Variants in ADAMTS17 observed in about 807,000 individuals in gnomAD.
ADAMTS17 encodes the protein ADAM metallopeptidase with thrombospondin type 1 motif 17.
In ADAMTS17, 113 loss-of-function variants were observed where a neutral mutation model predicts 141.5. That is an observed-to-expected ratio of 0.80 (90% confidence interval 0.69 to 0.93). The LOEUF is 0.93. Among genes scored for constraint, ADAMTS17 ranks in the 40% least tolerant of loss-of-function variants. ADAMTS17 has a pLI of 0.00. For synonymous variants in ADAMTS17, 768 were observed against 630.6 expected (o/e 1.22, Z -3.27); for missense variants, 1,659 against 1,517.9 (o/e 1.09, Z -1.54).
intron 13 of ADAMTS17, among the ~76,000 whole-genome samples, chr15:100,111,056 G>A (rs954029820): frequency 1.8e-4 from 27 of 152,168 alleles, no homozygotes; most frequent in African/African-American, 6.3e-4. Context: ...GGTTAGCTGT[G>A]GGGGTAAACA....
At chr15:100,043,417 G>T (rs184878548) in intron 18 of ADAMTS17, among the ~76,000 whole-genome samples, 16 of 152,310 alleles carry the variant, frequency 1.1e-4, no homozygotes, top group African/African-American at 3.6e-4. Context: ...ACAATAAAAA[G>T]AAATTCAGAA....
intron 14 of ADAMTS17, among the ~76,000 whole-genome samples, chr15:100,108,590 C>T (rs2036550642): frequency 6.6e-6 from 1 of 152,210 alleles, no homozygotes; most frequent in South Asian, 2.1e-4. Flanking sequence ...GCTGGGCGCA[C>T]CTATCTGCCT....
At chr15:100,159,138 T>C (rs904597912) in intron 8 of ADAMTS17, among the ~76,000 whole-genome samples, 1 of 152,122 alleles carries the variant, frequency 6.6e-6, no homozygotes, top group Admixed American at 6.5e-5. Context: ...CGCAAAAAAA[T>C]TGAAACCAGA....
intron 7 of ADAMTS17, among the ~76,000 whole-genome samples, chr15:100,227,794 G>T (rs959760716): frequency 6.6e-6 from 1 of 152,222 alleles, no homozygotes; most frequent in Non-Finnish European, 1.5e-5. Flanking sequence ...CCAGGAAAAG[G>T]AATGGACTGT....
rs544034877 is a variant in ADAMTS17, at chr15:100,270,082, C to T, written c.790-7647G>A. On this transcript the variant is annotated intron_variant, in intron 4 of 21. Transcript: ENST00000268070. ...TCCAGGCTTCATAAGCTCTTAAAAA[C>T]GGCCAAGGTGGATCTGCTCTGACTG... 1.2e-4 allele frequency among the ~76,000 whole-genome samples: 18 copies of T among 152,298 alleles called. No individual in the cohort carries two copies. The East Asian group carries it at 1.5e-3, about 13-fold the overall frequency.
chr15:100,330,832 C>T (rs931465885), intron 3 of ADAMTS17, 57 bp downstream of exon 3: 4 of 1,598,696 alleles, frequency 2.5e-6, no homozygotes, highest in South Asian at 2.2e-5. Flanking sequence ...TGGAGACACA[C>T]AAAGGATGTG....
At chr15:100,236,357 C>T (rs1439989330) in intron 7 of ADAMTS17, among the ~76,000 whole-genome samples, 2 of 151,056 alleles carry the variant, frequency 1.3e-5, no homozygotes, top group African/African-American at 4.9e-5. Context: ...GAGTGTGGTC[C>T]CCACACCAGC....
At chr15:100,046,854 AC>A (rs1392737327) in intron 18 of ADAMTS17, among the ~76,000 whole-genome samples, 1 of 152,210 alleles carries the variant, frequency 6.6e-6, no homozygotes, top group East Asian at 1.9e-4. Flanking sequence ...GTGTGTTTGA[AC>A]AATATGAAAT....
At chr15:100,321,420 T>A (rs1029420829) in intron 3 of ADAMTS17, among the ~76,000 whole-genome samples, 7 of 152,194 alleles carry the variant, frequency 4.6e-5, no homozygotes, top group Non-Finnish European at 1.0e-4. Flanking sequence ...AAATTTGACA[T>A]TTTTTAAAAA....
chr15:100,112,188 G>A lies in ADAMTS17; in HGVS notation c.1889-3072C>T, dbSNP rs530643235. Reference sequence around the variant, plus strand: ...AGCAGAGAAATGCGGACTCTGCAAAGCAGGAAGGCCAACCTCAGCTGGAGG... The same window carrying A: ...AGCAGAGAAATGCGGACTCTGCAAAACAGGAAGGCCAACCTCAGCTGGAGG... On this transcript the variant is annotated intron_variant, in intron 13 of 21. Coordinates refer to ENST00000268070, the MANE Select transcript of ADAMTS17 (RefSeq NM_139057.4). 4.6e-4 allele frequency among the ~76,000 whole-genome samples: 70 copies of A among 152,322 alleles called. No homozygotes were observed. In the South Asian group the frequency reaches 9.7e-3, roughly 21 times the overall value.
intron 7 of ADAMTS17, among the ~76,000 whole-genome samples, chr15:100,221,976 T>C (rs1486052832): frequency 2.0e-5 from 3 of 151,904 alleles, no homozygotes; most frequent in African/African-American, 4.8e-5. Flanking sequence ...GAGGCCATCA[T>C]CACACAGAGG....
chr15:100,142,281 G>A (rs964669280), intron 10 of ADAMTS17, among the ~76,000 whole-genome samples: 1 of 152,192 alleles, frequency 6.6e-6, no homozygotes, highest in African/African-American at 2.4e-5. Flanking sequence ...TAAATCTGCA[G>A]GACGTGAGAA....
intron 4 of ADAMTS17, among the ~76,000 whole-genome samples, chr15:100,279,118 G>A (rs1439427229): frequency 2.6e-5 from 4 of 152,082 alleles, no homozygotes; most frequent in East Asian, 1.9e-4. Flanking sequence ...CCACAGCCCC[G>A]CCCAATCCGC....
At chr15:100,234,298 G>C (rs1459813559) in intron 7 of ADAMTS17, among the ~76,000 whole-genome samples, 2 of 152,182 alleles carry the variant, frequency 1.3e-5, no homozygotes, top group Non-Finnish European at 2.9e-5. Context: ...TTTTCCACGA[G>C]GCAGACAGGC....
chr15:100,056,270 G>C (rs939519912), intron 15 of ADAMTS17, among the ~76,000 whole-genome samples: 1 of 152,210 alleles, frequency 6.6e-6, no homozygotes, highest in African/African-American at 2.4e-5. Flanking sequence ...ATTGTCTCTT[G>C]CATATGCATG....
In ADAMTS17 at chr15:100,055,081, T is replaced by C. The variant is rs112212034; in HGVS notation, c.2138-1027A>G. On this transcript the variant is annotated intron_variant, in intron 15 of 21. Transcript: ENST00000268070. ...GCAGATGACAAGAGGTGACAGTAAG[T>C]CTGTCATTTCCCAAAATGGGAACTC... Among the ~76,000 whole-genome samples, 785 of 152,240 alleles carry C rather than the reference T, an allele frequency of 5.2e-3. 10 individuals carry two copies. The highest frequency in any genetic ancestry group is 0.018 in the African/African-American group (732 of 41,548).
intron 10 of ADAMTS17, among the ~76,000 whole-genome samples, chr15:100,140,954 A>C (rs994780449): frequency 6.6e-6 from 1 of 152,178 alleles, no homozygotes; most frequent in African/African-American, 2.4e-5. Context: ...AACAGGGTGG[A>C]AACACACAAA....
At chr15:100,242,813 A>T (rs965901927) in intron 7 of ADAMTS17, among the ~76,000 whole-genome samples, 1 of 152,254 alleles carries the variant, frequency 6.6e-6, no homozygotes, top group Admixed American at 6.5e-5. Context: ...CTTTAAAAAA[A>T]TTATGTAAAG....
At chr15:100,309,787 A>C (rs558256334) in intron 3 of ADAMTS17, among the ~76,000 whole-genome samples, 6 of 152,256 alleles carry the variant, frequency 3.9e-5, no homozygotes, top group Non-Finnish European at 7.4e-5. Flanking sequence ...GGCCCACCCC[A>C]ACTGCCTGGG....
Sources: gnomAD v4.1 joint callset for allele counts (sites outside exome capture counted in the v4.1 genomes callset) on GRCh38, gnomAD v4.1.1 for gene constraint, MANE v1.5 for transcripts, NCBI Gene and HGNC (gene_info 2026-07-23, HGNC 2026-07-21) for gene names.